CCDC30: variants seen among roughly 807,000 people sequenced by gnomAD.
CCDC30 encodes coiled-coil domain containing 30.
Under a neutral mutation model 100.2 loss-of-function variants are expected in CCDC30, and 70 were observed. That is an observed-to-expected ratio of 0.70 (90% CI 0.58 to 0.85). The LOEUF is 0.85. Among genes scored for constraint, CCDC30 ranks in the 40% least tolerant of loss-of-function variants. The pLI is 0.00. For synonymous variants in CCDC30, 233 were observed against 269.5 expected, an observed-to-expected ratio of 0.86 and a Z score of 1.33; for missense variants, 652 against 771.2, an observed-to-expected ratio of 0.85 and a Z score of 1.83.
chr1:42,488,350 C>T (rs934970476), intron 3 of CCDC30, among the ~76,000 whole-genome samples: 10 of 152,066 alleles, frequency 6.6e-5, no homozygotes, highest in Non-Finnish European at 1.3e-4. Flanking sequence ...CAGGGTTTCA[C>T]TCTGTTGCCC....
chr1:42,500,676 G>A (rs1257868445), intron 6 of CCDC30, among the ~76,000 whole-genome samples: 1 of 152,178 alleles, frequency 6.6e-6, no homozygotes, highest in African/African-American at 2.4e-5. Flanking sequence ...GCCTCCCAAA[G>A]TGCTGGGATT....
intron 11 of CCDC30, among the ~76,000 whole-genome samples, chr1:42,631,181 C>G (rs542503858): frequency 3.9e-5 from 6 of 152,302 alleles, no homozygotes; most frequent in Admixed American, 3.3e-4. Context: ...AGGAGACTCC[C>G]CAAGCCCAGT....
intron 6 of CCDC30, chr1:42,537,065 A>C: frequency 2.5e-6 from 1 of 398,928 alleles, no homozygotes; most frequent in Admixed American, 3.0e-5. Context: ...AATTCAGTCC[A>C]TAGCACTGTA....
At chr1:42,619,056 CA>C (rs539046723) in intron 11 of CCDC30, among the ~76,000 whole-genome samples, 2 of 150,050 alleles carry the variant, frequency 1.3e-5, no homozygotes, top group African/African-American at 4.9e-5. Context: ...CAGTGCCCAG[CA>C]AAAAAAAATC....
intron 6 of CCDC30, among the ~76,000 whole-genome samples, chr1:42,519,633 C>T (rs1644605599): frequency 6.6e-6 from 1 of 152,118 alleles, no homozygotes; most frequent in South Asian, 2.1e-4. Context: ...CTCACTGCAT[C>T]CTCCACCTCC....
At chr1:42,628,194 A>T (rs1646968021) in intron 11 of CCDC30, among the ~76,000 whole-genome samples, 1 of 152,184 alleles carries the variant, frequency 6.6e-6, no homozygotes, top group Non-Finnish European at 1.5e-5. Flanking sequence ...TGACTGCCTC[A>T]CTGGATTTCA....
At position 42,550,029 on chromosome 1, in the gene CCDC30, A is replaced by T. The variant is rs569913139; in HGVS notation, c.457-16267A>T. ...TTTCTGTCTCCTTCACAGACTACCA[A>T]TGTATTTTTCATCCTCCTCCAAACT... On this transcript the variant is annotated intron_variant, in intron 6 of 16. Coordinates refer to ENST00000668663, the Ensembl canonical transcript of CCDC30. Among the ~76,000 whole-genome samples the T allele has an allele frequency of 5.6e-4, 85 of 152,266 alleles. No individual in the cohort carries two copies. The South Asian group carries it at 9.9e-3, about 18-fold the overall frequency.
At chr1:42,622,861 G>GTTTACA (rs1646867185) in intron 11 of CCDC30, among the ~76,000 whole-genome samples, 1 of 152,020 alleles carries the variant, frequency 6.6e-6, no homozygotes, top group African/African-American at 2.4e-5. Flanking sequence ...GTGTATGAGG[G>GTTTACA]TTCCCTTTTC....
At chr1:42,540,232 G>A (rs1644985146) in intron 6 of CCDC30, among the ~76,000 whole-genome samples, 1 of 152,122 alleles carries the variant, frequency 6.6e-6, no homozygotes, top group African/African-American at 2.4e-5. Context: ...GGTTGCTGAG[G>A]GATTGGGACA....
intron 6 of CCDC30, among the ~76,000 whole-genome samples, chr1:42,525,894 G>A (rs1208484161): frequency 6.6e-6 from 1 of 152,148 alleles, no homozygotes; most frequent in Non-Finnish European, 1.5e-5. Flanking sequence ...TGACCTCTGA[G>A]AATTGTTCTT....
At chr1:42,583,734 T>C (rs893233729) in intron 9 of CCDC30, among the ~76,000 whole-genome samples, 4 of 152,224 alleles carry the variant, frequency 2.6e-5, no homozygotes, top group Non-Finnish European at 4.4e-5. Flanking sequence ...GACTTGGTCT[T>C]ATGCAATTAT....
At position 42,581,311 on chromosome 1, in the gene CCDC30, A is replaced by T. The variant is rs751669999; in HGVS notation, c.847-49A>T. 2.7e-6 allele frequency: 4 copies of T among 1,462,644 alleles called. No individual in the cohort carries two copies. The East Asian group carries it at 9.1e-5, about 33-fold the overall frequency. The allele number at this position is 1,462,644 out of a possible 1,614,324, so 90.6% of individuals were successfully genotyped here. On this transcript the variant is annotated intron_variant, in intron 8 of 16. Transcript: ENST00000668663. ...TATGTTATTCCCCTAATTTGAAAAA[A>T]GGTCACACTCTTCTTAATGCTTTAC...
intron 1 of CCDC30, among the ~76,000 whole-genome samples, chr1:42,466,438 C>T (rs1243159284): frequency 6.6e-6 from 1 of 152,182 alleles, no homozygotes; most frequent in Non-Finnish European, 1.5e-5. Context: ...TTTTTGGAGG[C>T]CTAAACCTAC....
intron 15 of CCDC30, among the ~76,000 whole-genome samples, chr1:42,653,078 C>T (rs1342038459): frequency 2.1e-4 from 32 of 152,080 alleles, no homozygotes; most frequent in Admixed American, 2.1e-3. Flanking sequence ...ATAAAATTTT[C>T]TGCAATATCT....
chr1:42,589,309 A>G lies in CCDC30; in HGVS notation c.1002-12A>G, dbSNP rs775689728. 1 of 1,575,180 alleles carries G rather than the reference A, an allele frequency of 6.3e-7. No individual in the cohort carries two copies. The highest frequency in any genetic ancestry group is 8.6e-7 in the Non-Finnish European group (1 of 1,161,844). Reference sequence around the variant, plus strand: ...TTCATGGTGTGATTTAATCTACATTAATTGCCCTCAGGAAACTTCTATATC... The same window carrying G: ...TTCATGGTGTGATTTAATCTACATTGATTGCCCTCAGGAAACTTCTATATC... On this transcript the variant is annotated splice_polypyrimidine_tract_variant and intron_variant, in intron 9 of 16. Transcript: ENST00000668663.
At chr1:42,465,642 A>G (rs1231883840) in intron 1 of CCDC30, among the ~76,000 whole-genome samples, 1 of 152,186 alleles carries the variant, frequency 6.6e-6, no homozygotes, top group East Asian at 1.9e-4. Context: ...TGGGATTACA[A>G]GTGTGAGCCA....
chr1:42,656,716 C>T (rs1020658316), downstream of CCDC30, among the ~76,000 whole-genome samples: 2 of 152,140 alleles, frequency 1.3e-5, no homozygotes, highest in South Asian at 2.1e-4. Context: ...TACTCAACCT[C>T]CTTGAGCCTC....
At chr1:42,621,241 G>A (rs1370251810) in intron 11 of CCDC30, among the ~76,000 whole-genome samples, 3 of 152,130 alleles carry the variant, frequency 2.0e-5, no homozygotes, top group East Asian at 1.9e-4. Flanking sequence ...TAATCACATC[G>A]TGGAGAATGG....
intron 6 of CCDC30, among the ~76,000 whole-genome samples, chr1:42,548,190 C>T (rs1645182122): frequency 1.3e-5 from 2 of 152,162 alleles, no homozygotes; most frequent in Admixed American, 1.3e-4. Flanking sequence ...ACACGAAGAC[C>T]TGTATTAGGG....
Sources: gnomAD v4.1 joint callset for allele counts (sites outside exome capture counted in the v4.1 genomes callset) on GRCh38, gnomAD v4.1.1 for gene constraint, MANE v1.5 for transcripts, NCBI Gene and HGNC (gene_info 2026-07-23, HGNC 2026-07-21) for gene names.